Variants in ANO4 observed in about 807,000 individuals in gnomAD.
ANO4 encodes anoctamin-4.
In ANO4, 69 loss-of-function variants were observed where a neutral mutation model predicts 141.9. The ratio of observed to expected loss-of-function variants is 0.49; its 90% CI spans 0.40 to 0.59. ANO4 has a LOEUF of 0.59. ANO4 is among the 20% of genes least tolerant of loss of function. The pLI is 0.00. For synonymous variants in ANO4, 350 were observed against 394.3 expected, an observed-to-expected ratio of 0.89 and a Z score of 1.33; for missense variants, 894 against 1,162.2, an observed-to-expected ratio of 0.77 and a Z score of 3.36.
At chr12:100,761,735 C>CT (rs1411666299) in intron 3 of ANO4, among the ~76,000 whole-genome samples, 1 of 152,222 alleles carries the variant, frequency 6.6e-6, no homozygotes, top group Non-Finnish European at 1.5e-5. Flanking sequence ...CTTCTGAAAT[C>CT]TAAGTTCTTA....
At chr12:101,116,494 A>G (rs1369655110) in intron 24 of ANO4, among the ~76,000 whole-genome samples, 185 bp from the exon 25 acceptor site, 1 of 152,190 alleles carries the variant, frequency 6.6e-6, no homozygotes, top group Non-Finnish European at 1.5e-5. Flanking sequence ...CAAAACAAGC[A>G]ACTTGTTCCT....
At chr12:100,996,894 ACTGTTT>A (rs2045401659) in intron 8 of ANO4, among the ~76,000 whole-genome samples, 1 of 124,024 alleles carries the variant, frequency 8.1e-6, no homozygotes, top group African/African-American at 3.4e-5. Context: ...GATAGCAACC[ACTGTTT>A]ACTAAACAAC....
At chr12:100,776,382 G>A (rs965309550) in intron 3 of ANO4, among the ~76,000 whole-genome samples, 19 of 152,186 alleles carry the variant, frequency 1.2e-4, no homozygotes, top group African/African-American at 4.1e-4. Context: ...GCTTGGATAA[G>A]TTAATGGTTT....
At chr12:101,098,950 C>A (rs1393320525) in intron 21 of ANO4, among the ~76,000 whole-genome samples, 2 of 152,278 alleles carry the variant, frequency 1.3e-5, no homozygotes, top group East Asian at 3.9e-4. Flanking sequence ...TGCCTCCAAT[C>A]TGTCATTTCC....
chr12:100,789,720 G>A (rs964884514), intron 3 of ANO4, among the ~76,000 whole-genome samples: 3 of 152,118 alleles, frequency 2.0e-5, no homozygotes, highest in African/African-American at 7.2e-5. Flanking sequence ...GATATATATG[G>A]TTCATAAGCT....
chr12:100,921,193 G>T (rs2041616469), intron 2 of ANO4, among the ~76,000 whole-genome samples: 1 of 152,080 alleles, frequency 6.6e-6, no homozygotes, highest in Non-Finnish European at 1.5e-5. Flanking sequence ...GTTATAGCAT[G>T]CAGGCAAAGT....
intron 3 of ANO4, among the ~76,000 whole-genome samples, chr12:100,755,046 A>T (rs1356900851): frequency 1.3e-5 from 2 of 152,210 alleles, no homozygotes; most frequent in African/African-American, 4.8e-5. Context: ...TGTTATGTGC[A>T]TTTTATCACA....
intron 5 of ANO4, among the ~76,000 whole-genome samples, chr12:100,967,045 A>C (rs2043700795): frequency 6.6e-6 from 1 of 151,992 alleles, no homozygotes; most frequent in East Asian, 1.9e-4. Context: ...ATTAAATAGA[A>C]GGTTTTCAGT....
At chr12:101,027,702 G>GA (rs2046801668) in intron 9 of ANO4, among the ~76,000 whole-genome samples, 1 of 152,196 alleles carries the variant, frequency 6.6e-6, no homozygotes, top group African/African-American at 2.4e-5. Context: ...CTCAGGGACA[G>GA]AACCTGGATC....
intron 8 of ANO4, among the ~76,000 whole-genome samples, chr12:100,991,255 G>T (rs1405913412): frequency 6.6e-6 from 1 of 152,066 alleles, no homozygotes; most frequent in East Asian, 1.9e-4. Flanking sequence ...AACAATTGTT[G>T]GGTACAATCA....
intron 8 of ANO4, among the ~76,000 whole-genome samples, chr12:101,000,691 A>G (rs950238864): frequency 6.6e-6 from 1 of 152,204 alleles, no homozygotes; most frequent in African/African-American, 2.4e-5. Context: ...AAATGAAAAA[A>G]GCCACGCATC....
intron 3 of ANO4, among the ~76,000 whole-genome samples, chr12:100,780,866 T>C (rs905958781): frequency 1.3e-5 from 2 of 152,212 alleles, no homozygotes; most frequent in Admixed American, 1.3e-4. Flanking sequence ...TTTTAGGTGT[T>C]AATAGTCACA....
chr12:100,780,320 T>G (rs1379120494), intron 3 of ANO4, among the ~76,000 whole-genome samples: 2 of 152,182 alleles, frequency 1.3e-5, no homozygotes, highest in Admixed American at 6.5e-5. Context: ...GCAAGTTTAT[T>G]AGAGCAACGG....
Position 101,086,451 on chromosome 12 carries a change from G to A in ANO4, c.1537-209G>A, listed in dbSNP as rs971217147. 5.9e-5 allele frequency among the ~76,000 whole-genome samples: 9 copies of A among 152,098 alleles called. 1 individual carries two copies. The highest frequency in any genetic ancestry group is 2.4e-5 in the African/African-American group (1 of 41,458). ...TTACACAGATTCTCAACTTTCAAGCGTGTAGTTCTTTTATTTTAATTAAAA... is the reference window on the plus strand; with the variant it reads ...TTACACAGATTCTCAACTTTCAAGCATGTAGTTCTTTTATTTTAATTAAAA... On this transcript the variant is annotated intron_variant, in intron 16 of 27. Transcript: ENST00000392977.
rs539524178 is a variant in ANO4, at chr12:100,892,888, C to T, written c.-140-8758C>T. 4.4e-3 allele frequency among the ~76,000 whole-genome samples: 664 copies of T among 152,080 alleles called. 5 individuals are homozygous for T. The highest frequency in any genetic ancestry group is 0.016 in the African/African-American group (649 of 41,462). ...GTACTTTGTTTGATACCTGTCCTGC[C>T]GGCTCCCTGCCACCCCCGGCACCCT... On this transcript the variant is annotated intron_variant, in intron 1 of 27. Transcript: ENST00000392977.
At chr12:100,723,781 G>A (rs1040094877) in intron 1 of ANO4, among the ~76,000 whole-genome samples, 2 of 151,994 alleles carry the variant, frequency 1.3e-5, no homozygotes, top group Non-Finnish European at 2.9e-5. Flanking sequence ...TGTCCCAAAT[G>A]CCCCATCCCC....
chr12:101,097,796 C>T, intron 20 of ANO4, 52 bp from the exon 21 acceptor site: 2 of 1,605,886 alleles, frequency 1.2e-6, no homozygotes, highest in East Asian at 2.2e-5. Context: ...AACCAGACAC[C>T]CTTTCTTCCT....
intron 1 of ANO4, among the ~76,000 whole-genome samples, chr12:100,815,030 C>T (rs151095405): frequency 2.0e-3 from 306 of 151,920 alleles, no homozygotes; most frequent in Non-Finnish European, 3.1e-3. Flanking sequence ...GGAATGCACT[C>T]AAGAGGGATG....
intron 1 of ANO4, among the ~76,000 whole-genome samples, chr12:100,895,531 T>C (rs2040305746): frequency 6.6e-6 from 1 of 151,734 alleles, no homozygotes; most frequent in Admixed American, 6.6e-5. Context: ...AAAGAAAATA[T>C]TTGAGAGCCT....
Sources: gnomAD v4.1 joint callset for allele counts (sites outside exome capture counted in the v4.1 genomes callset) on GRCh38, gnomAD v4.1.1 for gene constraint, MANE v1.5 for transcripts, NCBI Gene and HGNC (gene_info 2026-07-23, HGNC 2026-07-21) for gene names.